Variants in ARHGEF10L observed in about 807,000 individuals in gnomAD.
The protein encoded by ARHGEF10L is Rho guanine nucleotide exchange factor 10 like, also known as rho guanine nucleotide exchange factor 10-like protein.
A neutral mutation model predicts 141.2 loss-of-function variants in ARHGEF10L; 69 were observed. The observed-to-expected ratio is 0.49, with a 90% CI of 0.40 to 0.60. The LOEUF is 0.60. Among genes scored for constraint, ARHGEF10L ranks in the 20% least tolerant of loss-of-function variants. ARHGEF10L has a pLI of 0.00. For missense variants in ARHGEF10L, 1,482 were observed against 1,734.3 expected, an observed-to-expected ratio of 0.85 and a Z score of 2.58; for synonymous variants, 711 against 718.5, an observed-to-expected ratio of 0.99 and a Z score of 0.17.
upstream of ARHGEF10L, among the ~76,000 whole-genome samples, chr1:17,539,043 C>T (rs1233754176): frequency 6.6e-6 from 1 of 152,274 alleles, no homozygotes; most frequent in African/African-American, 2.4e-5. This position sits in a 1 kb window ranked among gnomAD's most constrained non-coding sequence, Gnocchi z 6.0. Context: ...CAGCACTTTG[C>T]TGCTCAGTGA....
chr1:17,598,607 C>A (rs2080338888), intron 4 of ARHGEF10L, among the ~76,000 whole-genome samples: 1 of 152,110 alleles, frequency 6.6e-6, no homozygotes, highest in South Asian at 2.1e-4. Flanking sequence ...CTCTTATGAC[C>A]TAATCACCTC....
At chr1:17,551,019 G>A (rs373474389) in intron 1 of ARHGEF10L, among the ~76,000 whole-genome samples, 5 of 152,070 alleles carry the variant, frequency 3.3e-5, no homozygotes, top group African/African-American at 9.7e-5. Context: ...AAAGAGGCCC[G>A]GAGGTGACCC....
chr1:17,517,739 C>T, the ARHGEF10L span, among the ~76,000 whole-genome samples: 2 of 151,870 alleles, frequency 1.3e-5, no homozygotes, highest in African/African-American at 4.8e-5. Context: ...TGGCTCACTG[C>T]AACCTCCACC....
chr1:17,547,483 C>T (rs1362886625), intron 1 of ARHGEF10L, among the ~76,000 whole-genome samples: 2 of 152,232 alleles, frequency 1.3e-5, no homozygotes, highest in Admixed American at 6.5e-5. Context: ...AGAATCCCGG[C>T]CATTAGCATA....
chr1:17,657,526 C>G (rs2062345736), intron 25 of ARHGEF10L, among the ~76,000 whole-genome samples: 1 of 152,200 alleles, frequency 6.6e-6, no homozygotes, highest in South Asian at 2.1e-4. Context: ...CGTCTCTTCT[C>G]CCCTGCCTTT....
intron 26 of ARHGEF10L, among the ~76,000 whole-genome samples, chr1:17,669,232 G>T (rs966285060): frequency 6.6e-6 from 1 of 152,172 alleles, no homozygotes; most frequent in African/African-American, 2.4e-5. Context: ...ATGTGCTTTG[G>T]CTGAGGTTGT....
At chr1:17,680,879 G>A (rs1025778092) in intron 26 of ARHGEF10L, among the ~76,000 whole-genome samples, 1 of 151,720 alleles carries the variant, frequency 6.6e-6, no homozygotes, top group Non-Finnish European at 1.5e-5. Context: ...TGCCTCCCGG[G>A]TTCAAGCGAT....
intron 27 of ARHGEF10L, among the ~76,000 whole-genome samples, chr1:17,690,288 C>G (rs570763259): frequency 2.3e-3 from 355 of 152,332 alleles, no homozygotes; most frequent in Non-Finnish European, 2.8e-3. Flanking sequence ...TGGAATCCCT[C>G]CCCTGTCTTC....
Position 17,639,979 on chromosome 1 carries a change from C to T in ARHGEF10L, c.2172-223C>T. 1 of 1,493,428 alleles carries T rather than the reference C, an allele frequency of 6.7e-7. No individual in the cohort carries two copies. The highest frequency in any genetic ancestry group is 8.9e-7 in the Non-Finnish European group (1 of 1,123,492). The allele number at this position is 1,493,428 out of a possible 1,614,324, so 92.5% of individuals were successfully genotyped here. ...GGGAGCGTGGCTCAGCCACCCTGGC[C>T]AGGTACCTCCCTCTGGGGGTCATTG... On this transcript the variant is annotated intron_variant, in intron 20 of 28. Coordinates refer to ENST00000361221, the MANE Select transcript of ARHGEF10L (RefSeq NM_018125.4). The surrounding 1 kb of genome is among the most constrained non-coding windows in gnomAD (Gnocchi z 4.3).
At chr1:17,690,092 T>C (rs1400472676) in intron 27 of ARHGEF10L, among the ~76,000 whole-genome samples, 1 of 152,218 alleles carries the variant, frequency 6.6e-6, no homozygotes, top group East Asian at 1.9e-4. Context: ...AGTGCTGATA[T>C]GGACAGAGCC....
rs2061194800 is a variant in ARHGEF10L, at chr1:17,639,323, T to C, written c.2171+634T>C. Among the ~76,000 whole-genome samples, 1 of 152,186 alleles carries C rather than the reference T, an allele frequency of 6.6e-6. No individual in the cohort carries two copies. The highest frequency in any genetic ancestry group is 1.5e-5 in the Non-Finnish European group (1 of 68,038). ...GCTGGGTCCTGATGAGGTCTGACTCTGAAGCCCAGGCCAGTGCAATGAGGG... is the reference window on the plus strand; with the variant it reads ...GCTGGGTCCTGATGAGGTCTGACTCCGAAGCCCAGGCCAGTGCAATGAGGG... On this transcript the variant is annotated intron_variant, in intron 20 of 28. Transcript: ENST00000361221. This position sits in a 1 kb window ranked among gnomAD's most constrained non-coding sequence, Gnocchi z 4.3.
chr1:17,635,115 C>A (rs2060923679), intron 18 of ARHGEF10L, 99 bp downstream of exon 18: 4 of 1,427,664 alleles, frequency 2.8e-6, no homozygotes, highest in Non-Finnish European at 3.8e-6. Flanking sequence ...CTTGGGGACC[C>A]CTACATAGGC....
intron 18 of ARHGEF10L, among the ~76,000 whole-genome samples, chr1:17,635,316 C>T (rs1013992835): frequency 3.3e-5 from 5 of 152,206 alleles, no homozygotes; most frequent in East Asian, 1.9e-4. Context: ...CCTCCCTCCT[C>T]CTACCTGGGC....
At chr1:17,597,774 C>T (rs1475885645) in intron 4 of ARHGEF10L, among the ~76,000 whole-genome samples, 2 of 152,178 alleles carry the variant, frequency 1.3e-5, no homozygotes, top group Non-Finnish European at 2.9e-5. Flanking sequence ...TACACCAGAG[C>T]CAGTACCTGG....
At chr1:17,663,512 C>A (rs2062770031) in intron 25 of ARHGEF10L, among the ~76,000 whole-genome samples, 1 of 151,364 alleles carries the variant, frequency 6.6e-6, no homozygotes, top group South Asian at 2.1e-4. Flanking sequence ...CAAGACTATG[C>A]CACTGCAATC....
intron 13 of ARHGEF10L, 120 bp downstream of exon 13, chr1:17,624,623 C>G (rs375300939): frequency 2.5e-6 from 2 of 791,380 alleles, no homozygotes; most frequent in Non-Finnish European, 4.3e-6. Flanking sequence ...GGACAGCTCC[C>G]CTCTTTCTTT....
At chr1:17,554,241 G>A (rs2077218819) in intron 1 of ARHGEF10L, among the ~76,000 whole-genome samples, 1 of 152,198 alleles carries the variant, frequency 6.6e-6, no homozygotes, top group Non-Finnish European at 1.5e-5. Flanking sequence ...GATGGTGAGG[G>A]GCTGGGCAGG....
chr1:17,543,022 C>T (rs1301665713), intron 1 of ARHGEF10L, among the ~76,000 whole-genome samples: 1 of 152,132 alleles, frequency 6.6e-6, no homozygotes, highest in East Asian at 1.9e-4. Context: ...AGAGTTGTTC[C>T]GCCCCATGGT....
At chr1:17,537,017 G>A (rs1570328941), upstream of ARHGEF10L, among the ~76,000 whole-genome samples, 7 of 151,242 alleles carry the variant, frequency 4.6e-5, no homozygotes, top group East Asian at 3.9e-4. Context: ...CTATAGGCAT[G>A]CACTACCGCA....
Sources: gnomAD v4.1 joint callset for allele counts (sites outside exome capture counted in the v4.1 genomes callset) on GRCh38, gnomAD v4.1.1 for gene constraint, Gnocchi (gnomAD v3.1) non-coding constraint, MANE v1.5 for transcripts, NCBI Gene and HGNC (gene_info 2026-07-23, HGNC 2026-07-21) for gene names.